The following CCDC60 variants were observed in gnomAD, a reference collection of about 807,000 sequenced individuals.
The protein encoded by CCDC60 is coiled-coil domain containing 60.
Under a neutral mutation model 63.5 loss-of-function variants are expected in CCDC60, and 54 were observed. The ratio of observed to expected loss-of-function variants is 0.85; its 90% confidence interval spans 0.68 to 1.07. The LOEUF (loss-of-function observed/expected upper bound fraction) is 1.07. Among genes scored for constraint, CCDC60 ranks in the 50% least tolerant of loss-of-function variants. The pLI is 0.00. For missense variants in CCDC60, 651 were observed against 684.3 expected (o/e 0.95, Z 0.54); for synonymous variants, 206 against 238.8 (o/e 0.86, Z 1.27).
At chr12:119,471,494 T>C (rs1306533410) in intron 2 of CCDC60, among the ~76,000 whole-genome samples, 1 of 152,214 alleles carries the variant, frequency 6.6e-6, no homozygotes, top group Non-Finnish European at 1.5e-5. Flanking sequence ...CTGTGAATTG[T>C]TATGTTCATT....
chr12:119,527,666 CTTTTTTTTTTT>C (rs869099213), intron 11 of CCDC60, among the ~76,000 whole-genome samples: 4 of 84,974 alleles, frequency 4.7e-5, no homozygotes, highest in African/African-American at 9.9e-5. Flanking sequence ...TTCTTTCTTT[CTTTTTTTTTTT>C]TTTTTTTTTT....
At chr12:119,474,886 A>C (rs564242092) in intron 3 of CCDC60, among the ~76,000 whole-genome samples, 47 of 152,222 alleles carry the variant, frequency 3.1e-4, no homozygotes, top group African/African-American at 9.6e-4. Context: ...TTTCAAGTAG[A>C]ACAAGGGTTC....
intron 5 of CCDC60, among the ~76,000 whole-genome samples, chr12:119,498,961 A>G (rs987666624): frequency 2.0e-5 from 3 of 152,254 alleles, no homozygotes; most frequent in African/African-American, 7.2e-5. Flanking sequence ...AAAATCTGAC[A>G]GGAACCAATC....
intron 1 of CCDC60, among the ~76,000 whole-genome samples, chr12:119,336,034 A>G (rs1454873464): frequency 1.4e-5 from 2 of 144,098 alleles, no homozygotes; most frequent in African/African-American, 5.2e-5. Context: ...CATAGGTGGG[A>G]ATTGAACAAT....
At chr12:119,455,483 C>T (rs560111127) in intron 2 of CCDC60, among the ~76,000 whole-genome samples, 1 of 152,308 alleles carries the variant, frequency 6.6e-6, no homozygotes, top group African/African-American at 2.4e-5. Context: ...GAATGACCAA[C>T]AGTTGATAGT....
At chr12:119,475,704 C>T (rs1032126383) in intron 3 of CCDC60, among the ~76,000 whole-genome samples, 2 of 152,118 alleles carry the variant, frequency 1.3e-5, no homozygotes, top group Admixed American at 6.5e-5. Context: ...TGAACAAATC[C>T]CTGTACCTCT....
In CCDC60 at chr12:119,424,704, T is replaced by C. The variant is rs187138822; in HGVS notation, c.91-3979T>C. On this transcript the variant is annotated intron_variant, in intron 1 of 13. Coordinates refer to ENST00000327554, the MANE Select transcript of CCDC60 (RefSeq NM_178499.5). ...TTTTTCACTTAATATCAAATGATGT[T>C]TGTAAATGTCCTGAGAACTAGTTAT... Among the ~76,000 whole-genome samples, 10 of 152,358 alleles carry C rather than the reference T, an allele frequency of 6.6e-5. No homozygotes were observed. In the South Asian group the frequency reaches 2.1e-3, roughly 32 times the overall value.
intron 3 of CCDC60, 82 bp downstream of exon 3, chr12:119,472,246 G>A: frequency 3.7e-6 from 5 of 1,355,436 alleles, no homozygotes; most frequent in Non-Finnish European, 4.1e-6. Context: ...GGTCAAGCGA[G>A]GGCAGCTATC....
At position 119,410,201 on chromosome 12, in the gene CCDC60, CTGTGTGTG is replaced by C; in HGVS notation, c.91-18469_91-18462del. On this transcript the variant is annotated intron_variant, in intron 1 of 13. Coordinates refer to ENST00000327554, the MANE Select transcript of CCDC60 (RefSeq NM_178499.5). The surrounding 1 kb of genome is among the most constrained non-coding windows in gnomAD (Gnocchi z 4.0). ...GGAAAGAGTGTGTGTGTGTGTGTGT[CTGTGTGTG>C]TGTGTGTGTGTGGTTTCCAAATCTC... Among the ~76,000 whole-genome samples the C allele has an allele frequency of 3.1e-5, 1 of 31,776 alleles. No homozygotes were observed. Among genetic ancestry groups the C allele is most frequent in the South Asian group, 2.2e-3 (1 of 456 alleles). 20.8% of individuals were successfully genotyped at this position (31,776 alleles called of 152,430 possible). A position where few individuals can be genotyped will look rare whatever the true frequency, so the allele number is the denominator to read the frequency against.
chr12:119,467,428 G>T (rs1950972092), intron 2 of CCDC60, among the ~76,000 whole-genome samples: 1 of 152,236 alleles, frequency 6.6e-6, no homozygotes, highest in South Asian at 2.1e-4. Flanking sequence ...CCTTTGGGAG[G>T]TGATTAGCCT....
intron 1 of CCDC60, among the ~76,000 whole-genome samples, chr12:119,376,739 A>G (rs1165578622): frequency 6.6e-6 from 1 of 152,162 alleles, no homozygotes; most frequent in Non-Finnish European, 1.5e-5. Context: ...TTAGGCTCCT[A>G]TATCCTTTAA....
intron 2 of CCDC60, 139 bp downstream of exon 2, chr12:119,428,901 C>T: frequency 1.7e-6 from 1 of 583,666 alleles, no homozygotes; most frequent in Non-Finnish European, 3.1e-6. Context: ...AGGAGGGTAA[C>T]CCTGGGAGGA....
intron 2 of CCDC60, among the ~76,000 whole-genome samples, chr12:119,459,598 T>C (rs1192424771): frequency 6.6e-6 from 1 of 152,230 alleles, no homozygotes; most frequent in Non-Finnish European, 1.5e-5. Context: ...CCATTGCTCC[T>C]ATAGATAACA....
chr12:119,382,207 T>A (rs555528558), intron 1 of CCDC60, among the ~76,000 whole-genome samples: 69 of 152,366 alleles, frequency 4.5e-4, no homozygotes, highest in African/African-American at 1.6e-3. Context: ...GTAATTAAAA[T>A]TTTCTCAAAA....
chr12:119,515,467 T>C (rs1284195055), intron 7 of CCDC60, among the ~76,000 whole-genome samples: 1 of 152,096 alleles, frequency 6.6e-6, no homozygotes, highest in African/African-American at 2.4e-5. Flanking sequence ...AATACAAGTT[T>C]ACCCCACCAT....
At chr12:119,464,602 G>A (rs1037675838) in intron 2 of CCDC60, among the ~76,000 whole-genome samples, 3 of 152,122 alleles carry the variant, frequency 2.0e-5, no homozygotes, top group African/African-American at 7.2e-5. Flanking sequence ...ATGACAAGAT[G>A]GGAGGTCAGA....
At chr12:119,483,540 C>T (rs1951373478) in intron 4 of CCDC60, among the ~76,000 whole-genome samples, 1 of 152,228 alleles carries the variant, frequency 6.6e-6, no homozygotes, top group African/African-American at 2.4e-5. Context: ...GCAGCAAGGG[C>T]AATGCCTGCA....
chr12:119,528,585 C>A, intron 11 of CCDC60, 30 bp from the exon 12 acceptor site: 2 of 1,598,490 alleles, frequency 1.3e-6, no homozygotes, highest in South Asian at 2.3e-5. Flanking sequence ...GGATCTCATT[C>A]TTCTCTCTCT....
intron 1 of CCDC60, among the ~76,000 whole-genome samples, chr12:119,379,164 G>T (rs1955984479): frequency 6.6e-6 from 1 of 152,232 alleles, no homozygotes; most frequent in Non-Finnish European, 1.5e-5. Context: ...AAAAATAGTT[G>T]TTGCTGCGGA....
Sources: gnomAD v4.1 joint callset for allele counts (sites outside exome capture counted in the v4.1 genomes callset) on GRCh38, gnomAD v4.1.1 for gene constraint, Gnocchi (gnomAD v3.1) non-coding constraint, MANE v1.5 for transcripts, NCBI Gene and HGNC (gene_info 2026-07-23, HGNC 2026-07-21) for gene names.